The following DCC variants were observed in gnomAD, a reference collection of about 807,000 sequenced individuals.
DCC encodes DCC netrin 1 receptor.
A neutral mutation model predicts 172.5 loss-of-function variants in DCC; 58 were observed. That is an observed-to-expected ratio of 0.34 (90% CI 0.27 to 0.42). The LOEUF (loss-of-function observed/expected upper bound fraction) is 0.42. Among genes scored for constraint, DCC ranks in the 10% least tolerant of loss-of-function variants. The pLI, the probability that DCC is intolerant of heterozygous loss-of-function variation, is 1.00. For missense variants in DCC, 1,740 were observed against 1,791.0 expected (o/e 0.97, Z 0.51); for synonymous variants, 709 against 644.5 (o/e 1.10, Z -1.52).
At chr18:53,223,189 T>C (rs1007795044) in intron 12 of DCC, among the ~76,000 whole-genome samples, 4 of 152,146 alleles carry the variant, frequency 2.6e-5, no homozygotes, top group African/African-American at 9.7e-5. Flanking sequence ...TCTAGACTTT[T>C]CTCATCTTTC....
intron 12 of DCC, 148 bp downstream of exon 12, chr18:53,215,745 C>A: frequency 2.7e-6 from 2 of 732,144 alleles, no homozygotes; most frequent in Non-Finnish European, 2.5e-6. Flanking sequence ...TGACATTGAT[C>A]CCACATCCTC....
At chr18:53,345,083 C>T (rs2057708101) in intron 15 of DCC, among the ~76,000 whole-genome samples, 1 of 151,458 alleles carries the variant, frequency 6.6e-6, no homozygotes, top group South Asian at 2.1e-4. Flanking sequence ...ATAGCTGTGT[C>T]CTAATAAAAC....
At chr18:53,491,264 A>T (rs1374011353) in intron 26 of DCC, among the ~76,000 whole-genome samples, 1 of 152,234 alleles carries the variant, frequency 6.6e-6, no homozygotes, top group Non-Finnish European at 1.5e-5. Flanking sequence ...TGGCGTAATC[A>T]GAATTCATGT....
chr18:52,665,792 G>A (rs1315575996), intron 1 of DCC, among the ~76,000 whole-genome samples: 1 of 152,026 alleles, frequency 6.6e-6, no homozygotes, highest in Admixed American at 6.6e-5. Flanking sequence ...ATTTATATTG[G>A]GGAGAACAAT....
intron 15 of DCC, among the ~76,000 whole-genome samples, chr18:53,343,209 A>G (rs2057682767): frequency 1.3e-5 from 2 of 151,902 alleles, no homozygotes; most frequent in African/African-American, 4.8e-5. Context: ...AAAATACTGG[A>G]TAAAAGTGCT....
chr18:53,164,203 A>G (rs1213038040), intron 8 of DCC, among the ~76,000 whole-genome samples: 2 of 152,138 alleles, frequency 1.3e-5, no homozygotes, highest in Admixed American at 6.6e-5. Flanking sequence ...GTTGATTTGC[A>G]TTATTTATTT....
chr18:53,034,058 C>A (rs1007053954), intron 5 of DCC, among the ~76,000 whole-genome samples: 4 of 151,934 alleles, frequency 2.6e-5, no homozygotes, highest in Non-Finnish European at 5.9e-5. Context: ...ATTTTTCCCA[C>A]CTCTTAGTTC....
chr18:53,413,007 A>G (rs1910079626), intron 20 of DCC, among the ~76,000 whole-genome samples: 1 of 152,152 alleles, frequency 6.6e-6, no homozygotes, highest in South Asian at 2.1e-4. Context: ...AATCCTCCCC[A>G]GGGTCCCACT....
intron 2 of DCC, among the ~76,000 whole-genome samples, chr18:52,778,343 T>C (rs2037471614): frequency 6.6e-6 from 1 of 152,194 alleles, no homozygotes; most frequent in African/African-American, 2.4e-5. Context: ...TAATGAATCT[T>C]GGGGTGTCTT....
intron 5 of DCC, among the ~76,000 whole-genome samples, chr18:52,957,545 T>G (rs1036744687): frequency 6.6e-6 from 1 of 152,160 alleles, no homozygotes; most frequent in East Asian, 1.9e-4. Flanking sequence ...GACCATTATC[T>G]CCTGCATTTT....
intron 1 of DCC, among the ~76,000 whole-genome samples, chr18:52,691,168 C>T (rs1319053533): frequency 6.6e-6 from 1 of 152,088 alleles, no homozygotes; most frequent in Non-Finnish European, 1.5e-5. Context: ...TGCCCATAGA[C>T]TCATACCTGA....
intron 12 of DCC, among the ~76,000 whole-genome samples, chr18:53,284,866 T>A (rs1261264357): frequency 1.3e-5 from 2 of 152,162 alleles, no homozygotes; most frequent in Non-Finnish European, 2.9e-5. Context: ...ATTAGGAACT[T>A]CTTGGGAACT....
intron 7 of DCC, among the ~76,000 whole-genome samples, chr18:53,119,940 T>G (rs969298667): frequency 6.6e-6 from 1 of 151,918 alleles, no homozygotes; most frequent in Non-Finnish European, 1.5e-5. Context: ...ATGTAGAAAT[T>G]TAACAATCTG....
chr18:52,452,861 T>G (rs541059938), intron 1 of DCC, among the ~76,000 whole-genome samples: 1 of 152,342 alleles, frequency 6.6e-6, no homozygotes, highest in Admixed American at 6.5e-5. Context: ...GACACACTTA[T>G]AAAACGTTAG....
chr18:52,415,401 A>C (rs1031670558), intron 1 of DCC, among the ~76,000 whole-genome samples: 2 of 152,224 alleles, frequency 1.3e-5, no homozygotes, highest in African/African-American at 4.8e-5. Context: ...CATGAAGTAC[A>C]AAAAGCCAAT....
At chr18:53,281,639 A>G (rs2056873490) in intron 12 of DCC, among the ~76,000 whole-genome samples, 1 of 152,130 alleles carries the variant, frequency 6.6e-6, no homozygotes, top group South Asian at 2.1e-4. Context: ...GGACTGGCTC[A>G]TATGAGCCCA....
chr18:53,151,970 A>G (rs1333995783), intron 7 of DCC, among the ~76,000 whole-genome samples: 1 of 152,214 alleles, frequency 6.6e-6, no homozygotes, highest in Non-Finnish European at 1.5e-5. Flanking sequence ...ATAAAAAGCT[A>G]GAGTTTAGTG....
chr18:52,823,124 T>G (rs1424814926), intron 2 of DCC, among the ~76,000 whole-genome samples: 1 of 152,184 alleles, frequency 6.6e-6, no homozygotes, highest in Non-Finnish European at 1.5e-5. Flanking sequence ...TGAGATGCAG[T>G]GTCCCCTCCC....
intron 1 of DCC, among the ~76,000 whole-genome samples, chr18:52,375,190 A>C (rs1985295474): frequency 6.6e-6 from 1 of 152,214 alleles, no homozygotes; most frequent in Admixed American, 6.5e-5. Flanking sequence ...TAGAGACAAA[A>C]AATGAGAAGT....
Sources: allele counts gnomAD v4.1 joint callset (sites outside exome capture counted in the v4.1 genomes callset), GRCh38; gene constraint gnomAD v4.1.1; transcripts MANE v1.5; gene names NCBI Gene and HGNC (gene_info 2026-07-23, HGNC 2026-07-21).